Variants in EIF4G3 observed in about 807,000 individuals in gnomAD.
EIF4G3 encodes eukaryotic translation initiation factor 4 gamma 3.
A neutral mutation model predicts 186.4 loss-of-function variants in EIF4G3; 34 were observed. The ratio of observed to expected loss-of-function variants is 0.18; its 90% CI spans 0.14 to 0.24. EIF4G3 has a LOEUF of 0.24. EIF4G3 is among the 10% of genes least tolerant of loss of function. EIF4G3 has a pLI of 1.00. For synonymous variants in EIF4G3, 673 were observed against 679.5 expected (o/e 0.99, Z 0.15); for missense variants, 1,536 against 1,948.5 (o/e 0.79, Z 3.99).
In EIF4G3 at chr1:20,950,098, T is replaced by C; in HGVS notation, c.728A>G (p.Gln243Arg). The part of the protein sequence containing the change: ...TPTPPQQLPS[Q>R]VPEHSPVVYG... ...AACCACAGGGCTGTGCTCGGGGACC[T>C]GGCTGGGCAGCTGCTGGGATTTGAA... Residue 243 changes from glutamine to arginine, a missense_variant, in exon 13 of 37, where the codon CAG becomes CGG. Physicochemically the swap from Gln to Arg is conservative, Grantham distance 43. This residue lies in a region of EIF4G3 where 560 missense variants were observed against 547.8 expected (regional missense o/e 1.02). Transcript: ENST00000602326. 6.3e-7 allele frequency: 1 copy of C among 1,588,036 alleles called. No individual in the cohort carries two copies. The highest frequency in any genetic ancestry group is 1.9e-5 in the Admixed American group (1 of 52,384).
intron 14 of EIF4G3, among the ~76,000 whole-genome samples, chr1:20,909,268 T>C (rs190228992): frequency 6.6e-6 from 1 of 152,360 alleles, no homozygotes; most frequent in East Asian, 1.9e-4. Context: ...TGAGGAACTA[T>C]TCTGTGTAGA....
intron 33 of EIF4G3, among the ~76,000 whole-genome samples, chr1:20,821,500 G>T (rs1017174065): frequency 7.2e-5 from 11 of 152,196 alleles, no homozygotes; most frequent in Non-Finnish European, 1.0e-4. Flanking sequence ...GATCTTGCCA[G>T]TTCAATAGTT....
At chr1:20,834,887 T>C (rs1253365020) in intron 30 of EIF4G3, among the ~76,000 whole-genome samples, 2 of 152,114 alleles carry the variant, frequency 1.3e-5, no homozygotes, top group Non-Finnish European at 2.9e-5. Context: ...CAAACAAAAA[T>C]ATACAGAACA....
chr1:21,080,544 CTG>C, intron 3 of EIF4G3, among the ~76,000 whole-genome samples: 1 of 152,190 alleles, frequency 6.6e-6, no homozygotes. Context: ...GGGTCTCACT[CTG>C]TTGCCCAGGC....
rs149422501 is a variant in EIF4G3, at chr1:20,936,541, TA to T, written c.1663+4949del. ...GCAATCTACTTTTGGCCCCAGCGACTAAATCTTCCAGAGATATTTCAAATAT... is the reference window on the plus strand; with the variant it reads ...GCAATCTACTTTTGGCCCCAGCGACTAATCTTCCAGAGATATTTCAAATAT... On this transcript the variant is annotated intron_variant, in intron 14 of 36. Transcript: ENST00000602326. Among the ~76,000 whole-genome samples the T allele has an allele frequency of 6.6e-4, 100 of 152,344 alleles. 3 individuals are homozygous for T. The East Asian group carries it at 0.018, about 27-fold the overall frequency.
At chr1:21,139,999 C>A (rs929289870) in intron 2 of EIF4G3, among the ~76,000 whole-genome samples, 2 of 152,348 alleles carry the variant, frequency 1.3e-5, no homozygotes, top group East Asian at 3.9e-4. Context: ...TTACTTGGGT[C>A]ACCCAAGTCT....
chr1:21,168,822 C>A (rs911637132), intron 2 of EIF4G3, among the ~76,000 whole-genome samples: 1 of 151,828 alleles, frequency 6.6e-6, no homozygotes, highest in East Asian at 1.9e-4. Context: ...AAATGTATGA[C>A]CACTAATATT....
At chr1:20,997,551 G>A (rs941314442) in intron 7 of EIF4G3, 50 bp downstream of exon 7, 2 of 1,521,470 alleles carry the variant, frequency 1.3e-6, no homozygotes, top group African/African-American at 1.4e-5. Flanking sequence ...AGCTACTAAA[G>A]CCCCCATCTA....
chr1:20,922,293 T>C (rs1442630864), intron 14 of EIF4G3, among the ~76,000 whole-genome samples: 1 of 152,172 alleles, frequency 6.6e-6, no homozygotes, highest in African/African-American at 2.4e-5. Flanking sequence ...ATTCTACTAC[T>C]AGCTTCAAAG....
chr1:21,065,596 A>C (rs1219141718), intron 3 of EIF4G3, among the ~76,000 whole-genome samples: 2 of 151,828 alleles, frequency 1.3e-5, no homozygotes, highest in African/African-American at 4.8e-5. Context: ...AAAAAGAAAA[A>C]AATGAGAATG....
chr1:21,106,308 A>T (rs977819415), intron 2 of EIF4G3, among the ~76,000 whole-genome samples: 1 of 152,144 alleles, frequency 6.6e-6, no homozygotes, highest in Non-Finnish European at 1.5e-5. Flanking sequence ...AAAGAAAAAA[A>T]GCTGAGAGAT....
At chr1:20,863,173 C>T (rs115073125) in intron 22 of EIF4G3, among the ~76,000 whole-genome samples, 4,234 of 151,936 alleles carry the variant, frequency 0.028, 84 homozygotes, top group Non-Finnish European at 0.04. Context: ...GCTTTGGTCA[C>T]GTGATTAATG....
intron 20 of EIF4G3, among the ~76,000 whole-genome samples, chr1:20,870,783 T>C (rs768552024): frequency 1.3e-5 from 2 of 152,226 alleles, no homozygotes; most frequent in Non-Finnish European, 2.9e-5. Flanking sequence ...TCTAGTTAAA[T>C]GCTTTATTAT....
chr1:20,918,090 CCT>C (rs2094106130), intron 14 of EIF4G3, among the ~76,000 whole-genome samples: 1 of 151,886 alleles, frequency 6.6e-6, no homozygotes, highest in African/African-American at 2.4e-5. Context: ...AGGTAATATT[CCT>C]CTCTCCCAAC....
chr1:21,068,655 T>G (rs2095347547), intron 3 of EIF4G3, among the ~76,000 whole-genome samples: 1 of 152,204 alleles, frequency 6.6e-6, no homozygotes, highest in Non-Finnish European at 1.5e-5. Context: ...CCTCTGTGTC[T>G]ATTTGCCAAC....
intron 2 of EIF4G3, among the ~76,000 whole-genome samples, chr1:21,104,320 T>A (rs1232716109): frequency 6.6e-6 from 1 of 152,200 alleles, no homozygotes. Context: ...AAACAACTTG[T>A]GGCACTTACA....
At chr1:20,884,308 A>G (rs753541226) in intron 19 of EIF4G3, among the ~76,000 whole-genome samples, 6 of 152,242 alleles carry the variant, frequency 3.9e-5, no homozygotes, top group Admixed American at 3.9e-4. Flanking sequence ...GAAACAGATT[A>G]CGAGTTATAA....
intron 30 of EIF4G3, among the ~76,000 whole-genome samples, chr1:20,834,804 T>C (rs962180289): frequency 5.3e-5 from 8 of 152,204 alleles, no homozygotes; most frequent in African/African-American, 1.9e-4. Flanking sequence ...TCAATACCCT[T>C]CTTTAGACAA....
chr1:20,827,828 A>C (rs948746795), intron 31 of EIF4G3, 130 bp from the exon 32 acceptor site: 8 of 509,396 alleles, frequency 1.6e-5, no homozygotes, highest in African/African-American at 1.3e-4. Flanking sequence ...CCAAAGCTCC[A>C]GGACATGCTC....
Sources: allele counts gnomAD v4.1 joint callset (sites outside exome capture counted in the v4.1 genomes callset), GRCh38; gene constraint gnomAD v4.1.1; regional missense constraint gnomAD v4.1.1; transcripts MANE v1.5; gene names NCBI Gene and HGNC (gene_info 2026-07-23, HGNC 2026-07-21).